ZC3HAV1: variants seen among roughly 807,000 people sequenced by gnomAD.
The protein encoded by ZC3HAV1 is zinc finger CCCH-type containing, antiviral 1.
In ZC3HAV1, 41 loss-of-function variants were observed where a neutral mutation model predicts 86.6. The ratio of observed to expected loss-of-function variants is 0.47; its 90% CI spans 0.37 to 0.61. The LOEUF (loss-of-function observed/expected upper bound fraction) is 0.61. Ranked by LOEUF, ZC3HAV1 falls within the 20% of genes least tolerant of loss-of-function variation. ZC3HAV1 has a pLI of 0.00. For synonymous variants in ZC3HAV1, 421 were observed against 432.1 expected, an observed-to-expected ratio of 0.97 and a Z score of 0.32; for missense variants, 964 against 1,141.1, an observed-to-expected ratio of 0.84 and a Z score of 2.24.
chr7:139,097,426 A>ATTTTTTTTTTT (rs1177588546), intron 1 of ZC3HAV1, among the ~76,000 whole-genome samples: 43 of 75,260 alleles, frequency 5.7e-4, no homozygotes, highest in African/African-American at 2.6e-3. Context: ...ATATATATAT[A>ATTTTTTTTTTT]TATTTTTTTT....
chr7:139,107,548 A>T (rs901969785), intron 1 of ZC3HAV1, among the ~76,000 whole-genome samples: 6 of 152,162 alleles, frequency 3.9e-5, no homozygotes, highest in Admixed American at 2.0e-4. Flanking sequence ...TATGCCTGTA[A>T]TCCCAGCACT....
At chr7:139,060,848 G>A in intron 9 of ZC3HAV1, 188 bp downstream of exon 9, 1 of 1,503,698 alleles carries the variant, frequency 6.7e-7, no homozygotes, top group Non-Finnish European at 8.9e-7. Context: ...TTCCGATCTA[G>A]TATCCTTTCA....
intron 7 of ZC3HAV1, 94 bp from the exon 8 acceptor site, chr7:139,065,093 G>A: frequency 6.5e-7 from 1 of 1,531,740 alleles, no homozygotes; most frequent in Non-Finnish European, 8.8e-7. Context: ...GATGTGAACA[G>A]GAGTGCATTT....
chr7:139,053,885 TG>T, intron 11 of ZC3HAV1, 79 bp downstream of exon 11: 9 of 1,501,180 alleles, frequency 6.0e-6, no homozygotes, highest in Non-Finnish European at 7.1e-6. Flanking sequence ...AATAAATCAG[TG>T]AATATAAATC....
chr7:139,085,073 G>A (rs979410132), intron 2 of ZC3HAV1, among the ~76,000 whole-genome samples: 4 of 152,168 alleles, frequency 2.6e-5, no homozygotes, highest in South Asian at 2.1e-4. Context: ...TGTGGTCCCC[G>A]GACCAGCACC....
chr7:139,094,434 A>G (rs1452414184), intron 1 of ZC3HAV1, among the ~76,000 whole-genome samples: 2 of 151,304 alleles, frequency 1.3e-5, no homozygotes, highest in Non-Finnish European at 2.9e-5. Context: ...GCAGAATGCT[A>G]CCCACACTTG....
At chr7:139,064,849 C>T (rs758268470) in intron 8 of ZC3HAV1, 30 bp downstream of exon 8, 2 of 1,613,940 alleles carry the variant, frequency 1.2e-6, no homozygotes, top group Non-Finnish European at 1.7e-6. Flanking sequence ...ATTTCAATGA[C>T]ACACAACACT....
At chr7:139,060,918 A>G (rs1414554808) in intron 9 of ZC3HAV1, 118 bp downstream of exon 9, 2 of 1,593,416 alleles carry the variant, frequency 1.3e-6, no homozygotes, top group East Asian at 2.2e-5. Flanking sequence ...GAAACTGCAG[A>G]GTAATGCAAA....
At chr7:139,055,141 T>C (rs1215924510) in intron 10 of ZC3HAV1, 64 bp downstream of exon 10, 5 of 1,431,880 alleles carry the variant, frequency 3.5e-6, no homozygotes, top group South Asian at 1.2e-5. Context: ...ACACATACAC[T>C]TGTAGCAAAG....
intron 3 of ZC3HAV1, among the ~76,000 whole-genome samples, chr7:139,081,322 T>C (rs1307942490): frequency 6.6e-6 from 1 of 151,886 alleles, no homozygotes; most frequent in East Asian, 1.9e-4. Context: ...GAAGAGACAT[T>C]TTTTTTCTCT....
At chr7:139,074,190 G>A (rs906110435) in intron 6 of ZC3HAV1, among the ~76,000 whole-genome samples, 160 bp from the exon 7 acceptor site, 3 of 152,042 alleles carry the variant, frequency 2.0e-5, no homozygotes, top group South Asian at 4.2e-4. Context: ...AAAGAAAAAC[G>A]GAAACGCAGA....
chr7:139,104,648 G>A (rs1461642794), intron 1 of ZC3HAV1, among the ~76,000 whole-genome samples: 3 of 150,660 alleles, frequency 2.0e-5, no homozygotes, highest in Non-Finnish European at 3.0e-5. Context: ...GCTTGAACCG[G>A]GGAGGCGGAG....
In ZC3HAV1 at chr7:139,047,170, A is replaced by G. The variant is rs771385677; in HGVS notation, c.*424T>C. 20 of 199,950 alleles carry G rather than the reference A, an allele frequency of 1.0e-4. No homozygotes were observed. Among genetic ancestry groups the G allele is most frequent in the South Asian group, 1.5e-4 (2 of 13,452 alleles). 12.4% of individuals were successfully genotyped at this position (199,950 alleles called of 1,614,324 possible). On this transcript the variant is annotated 3_prime_UTR_variant, in exon 13 of 13. Transcript: ENST00000242351. Reference sequence around the variant, plus strand: ...AGTGAAACCCTGTCTCTACTAAAAAATACAAAAAATTAGCTGGGCGCGGCA... The same window carrying G: ...AGTGAAACCCTGTCTCTACTAAAAAGTACAAAAAATTAGCTGGGCGCGGCA...
intron 1 of ZC3HAV1, 130 bp from the exon 2 acceptor site, chr7:139,089,889 G>C (rs1392684620): frequency 1.1e-6 from 1 of 933,380 alleles, no homozygotes; most frequent in Non-Finnish European, 1.5e-6. Flanking sequence ...GGTTGGTTCT[G>C]CTTAAAGAAT....
At chr7:139,048,658 A>G (rs1816031854) in intron 12 of ZC3HAV1, among the ~76,000 whole-genome samples, 1 of 152,206 alleles carries the variant, frequency 6.6e-6, no homozygotes, top group South Asian at 2.1e-4. Flanking sequence ...AAAGACCATG[A>G]GTAGATATTG....
chr7:139,057,206 A>T lies in ZC3HAV1; in HGVS notation c.2097-1911T>A, dbSNP rs1362629704. Among the ~76,000 whole-genome samples the T allele has an allele frequency of 4.6e-5, 7 of 152,034 alleles. No homozygotes were observed. In the East Asian group the frequency reaches 1.2e-3, roughly 25 times the overall value. The stretch of plus-strand genomic sequence containing the variant: ...CCCCATCTCTAGAAACATTTTTTTT[A>T]AATTATCCAGGTGTGGTGGTGCACG... On this transcript the variant is annotated intron_variant, in intron 9 of 12. Transcript: ENST00000242351.
At chr7:139,087,933 T>G (rs753621725) in intron 2 of ZC3HAV1, among the ~76,000 whole-genome samples, 17 of 146,728 alleles carry the variant, frequency 1.2e-4, no homozygotes, top group Admixed American at 2.8e-4. Context: ...TTGGGGGGCT[T>G]AGGCAGGAGG....
Position 139,108,196 on chromosome 7 carries a change from T to A in ZC3HAV1, c.308+828A>T, listed in dbSNP as rs940296823. 6.6e-6 allele frequency among the ~76,000 whole-genome samples: 1 copy of A among 150,644 alleles called. No homozygotes were observed. Among genetic ancestry groups the A allele is most frequent in the Admixed American group, 6.6e-5 (1 of 15,126 alleles). On this transcript the variant is annotated intron_variant, in intron 1 of 12. Transcript: ENST00000242351. The surrounding 1 kb of genome is among the most constrained non-coding windows in gnomAD (Gnocchi z 4.2). ...TGCAGCTGTCCTCGAGGGAGCAAGC[T>A]CTCTTAGGGAGAAACTGGGAAGAAA... is the stretch of plus-strand genomic sequence containing the variant.
In ZC3HAV1 at chr7:139,108,925, G is replaced by T; in HGVS notation, c.308+99C>A. On this transcript the variant is annotated intron_variant, in intron 1 of 12. Coordinates refer to ENST00000242351, the MANE Select transcript of ZC3HAV1 (RefSeq NM_020119.4). This position sits in a 1 kb window ranked among gnomAD's most constrained non-coding sequence, Gnocchi z 4.2. ...TGGAGGCGGAGGCTGTCAGGTGCGG[G>T]GTCCCGGCGAAGCCGTGCCCCTCCC... 6 of 1,401,994 alleles carry T rather than the reference G, an allele frequency of 4.3e-6. No individual in the cohort carries two copies. The South Asian group carries it at 5.9e-5, about 14-fold the overall frequency. The allele number at this position is 1,401,994 out of a possible 1,614,324, so 86.8% of individuals were successfully genotyped here. A position where few individuals can be genotyped will look rare whatever the true frequency, so the allele number is the denominator to read the frequency against.
Sources: gnomAD v4.1 joint callset for allele counts (sites outside exome capture counted in the v4.1 genomes callset) on GRCh38, gnomAD v4.1.1 for gene constraint, Gnocchi (gnomAD v3.1) non-coding constraint, MANE v1.5 for transcripts, NCBI Gene and HGNC (gene_info 2026-07-23, HGNC 2026-07-21) for gene names.